The following KLHL32 variants were observed in gnomAD, a reference collection of about 807,000 sequenced individuals.
The protein encoded by KLHL32 is kelch-like protein 32.
Under a neutral mutation model 64.8 loss-of-function variants are expected in KLHL32, and 35 were observed. The ratio of observed to expected loss-of-function variants is 0.54; its 90% CI spans 0.41 to 0.72. KLHL32 has a LOEUF of 0.72. Ranked by LOEUF, KLHL32 falls within the 30% of genes least tolerant of loss-of-function variation. KLHL32 has a pLI of 0.00. For missense variants in KLHL32, 589 were observed against 768.5 expected (o/e 0.77, Z 2.76); for synonymous variants, 259 against 281.0 (o/e 0.92, Z 0.78).
intron 3 of KLHL32, among the ~76,000 whole-genome samples, chr6:97,002,756 TAC>T (rs1779200252): frequency 6.6e-6 from 1 of 152,198 alleles, no homozygotes; most frequent in Admixed American, 6.5e-5. Context: ...TTAGTTCACT[TAC>T]AGTAGTGACC....
intron 10 of KLHL32, among the ~76,000 whole-genome samples, chr6:97,136,547 G>A (rs1231585633): frequency 6.6e-6 from 1 of 152,196 alleles, no homozygotes; most frequent in East Asian, 1.9e-4. Context: ...CTGTCACAGA[G>A]GTTTGACTCT....
intron 5 of KLHL32, among the ~76,000 whole-genome samples, chr6:97,078,150 G>C (rs182418862): frequency 6.6e-6 from 1 of 152,116 alleles, no homozygotes; most frequent in South Asian, 2.1e-4. Context: ...TATGTAGAGT[G>C]GTTTCTCAGG....
At chr6:96,954,389 A>G (rs1458608700) in intron 1 of KLHL32, among the ~76,000 whole-genome samples, 1 of 131,686 alleles carries the variant, frequency 7.6e-6, no homozygotes, top group Non-Finnish European at 1.5e-5. Flanking sequence ...ATATTCACTC[A>G]TATTAAAGAG....
the KLHL32 span, among the ~76,000 whole-genome samples, chr6:96,905,182 A>G: frequency 9.9e-5 from 15 of 152,198 alleles, no homozygotes; most frequent in East Asian, 2.7e-3. Flanking sequence ...TGGCACAGGG[A>G]AAAAAAAGTG....
chr6:97,132,739 T>C lies in KLHL32; in HGVS notation c.1693T>C (p.Cys565Arg). ...AATTTGGACAAATGAGCCTCTGGCT[T>C]GTATCCAGGTGAGTGGTAGAAGTTC... ...YSIWTNEPLACIQVLDVSREG... is the reference protein window; with the variant it reads ...YSIWTNEPLARIQVLDVSREG... The change falls in exon 10 of 11, where the codon TGT (cysteine) becomes CGT (arginine). Residue 565 changes from cysteine (C) to arginine (R), a missense_variant. Cys to Arg is a radical substitution (Grantham distance 180). This residue lies in a region of KLHL32 where 172 missense variants were observed against 192.0 expected (regional missense o/e 0.90). Coordinates refer to ENST00000369261, the MANE Select transcript of KLHL32 (RefSeq NM_052904.4). The C allele has an allele frequency of 1.2e-6, 2 of 1,608,480 alleles. No homozygotes were observed. Among genetic ancestry groups the C allele is most frequent in the Non-Finnish European group, 1.7e-6 (2 of 1,176,594 alleles).
chr6:97,134,122 A>T (rs1248696247), intron 10 of KLHL32, among the ~76,000 whole-genome samples: 5 of 152,204 alleles, frequency 3.3e-5, no homozygotes, highest in African/African-American at 1.2e-4. Context: ...AATAAAAACA[A>T]TATACAGCAA....
At chr6:96,953,779 T>C (rs1232579259) in intron 1 of KLHL32, among the ~76,000 whole-genome samples, 1 of 143,078 alleles carries the variant, frequency 7.0e-6, no homozygotes, top group East Asian at 2.0e-4. Context: ...TATGACAATC[T>C]AAATGTTATT....
chr6:96,967,756 A>G (rs1187632329), intron 2 of KLHL32, among the ~76,000 whole-genome samples: 1 of 152,186 alleles, frequency 6.6e-6, no homozygotes, highest in Non-Finnish European at 1.5e-5. Context: ...ACGACACAAA[A>G]ATAATTGTGA....
At chr6:97,119,380 TAGG>T (rs1435611595) in intron 7 of KLHL32, among the ~76,000 whole-genome samples, 1 of 151,984 alleles carries the variant, frequency 6.6e-6, no homozygotes. Flanking sequence ...AGTGAGATAA[TAGG>T]AGGAGGAGGC....
rs544845084 is a variant in KLHL32, at chr6:97,071,119, C to T, written c.411+6393C>T. Among the ~76,000 whole-genome samples, 27 of 152,174 alleles carry T rather than the reference C, an allele frequency of 1.8e-4. No homozygotes were observed. In the East Asian group the frequency reaches 2.7e-3, roughly 15 times the overall value. On this transcript the variant is annotated intron_variant, in intron 5 of 10. Transcript: ENST00000369261. ...GACACTCTTCTTCATCTCTCATTAC[C>T]GCAGCTGCTCCTTGCCCTCACTACC... is the stretch of plus-strand genomic sequence containing the variant.
intron 8 of KLHL32, among the ~76,000 whole-genome samples, chr6:97,128,079 A>G (rs1425491400): frequency 1.3e-5 from 2 of 152,290 alleles, no homozygotes; most frequent in South Asian, 2.1e-4. Context: ...TGCCATTTCT[A>G]TGATTTTGGT....
intron 1 of KLHL32, among the ~76,000 whole-genome samples, chr6:96,942,198 A>G (rs1771375040): frequency 1.3e-5 from 2 of 152,176 alleles, no homozygotes; most frequent in Admixed American, 1.3e-4. Flanking sequence ...TGCCTTTTGC[A>G]GCCCAAGATC....
At chr6:96,954,399 G>GA (rs113275571) in intron 1 of KLHL32, among the ~76,000 whole-genome samples, 285 of 134,870 alleles carry the variant, frequency 2.1e-3, no homozygotes, top group African/African-American at 7.3e-3. Context: ...ATATTAAAGA[G>GA]AAAAAAAACT....
intron 5 of KLHL32, among the ~76,000 whole-genome samples, chr6:97,075,309 A>G (rs952268960): frequency 7.2e-5 from 11 of 152,186 alleles, no homozygotes; most frequent in African/African-American, 1.2e-4. Flanking sequence ...TGAATATATC[A>G]TTACATACAG....
chr6:97,109,917 C>T (rs906639474), intron 6 of KLHL32, among the ~76,000 whole-genome samples: 1 of 152,184 alleles, frequency 6.6e-6, no homozygotes, highest in African/African-American at 2.4e-5. Flanking sequence ...TATTACGTTT[C>T]AGAAATTTTT....
chr6:97,021,439 G>T (rs1781971081), intron 3 of KLHL32, among the ~76,000 whole-genome samples: 1 of 150,756 alleles, frequency 6.6e-6, no homozygotes, highest in South Asian at 2.1e-4. Context: ...CCTGAAGATG[G>T]CATGTCCTAG....
At position 97,105,353 on chromosome 6, in the gene KLHL32, C is replaced by T. The variant is rs553740247; in HGVS notation, c.628-8430C>T. Reference sequence around the variant, plus strand: ...TCCTACTTCTTGTTGCCCAAGAGCTCATCAACATGCCCTGCTGTTTGATGG... The same window carrying T: ...TCCTACTTCTTGTTGCCCAAGAGCTTATCAACATGCCCTGCTGTTTGATGG... On this transcript the variant is annotated intron_variant, in intron 6 of 10. Coordinates refer to ENST00000369261, the MANE Select transcript of KLHL32 (RefSeq NM_052904.4). 6.8e-6 allele frequency: 3 copies of T among 443,740 alleles called. No individual in the cohort carries two copies. The Admixed American group carries it at 7.5e-5, about 11-fold the overall frequency. The allele number at this position is 443,740 out of a possible 1,614,324, so 27.5% of individuals were successfully genotyped here. A position where few individuals can be genotyped will look rare whatever the true frequency, so the allele number is the denominator to read the frequency against.
chr6:96,955,430 A>G (rs138890361), intron 1 of KLHL32, among the ~76,000 whole-genome samples: 1 of 151,176 alleles, frequency 6.6e-6, no homozygotes, highest in East Asian at 1.9e-4. Context: ...GTTCTCTTTG[A>G]TCTTGGGGGT....
At chr6:96,959,223 G>A (rs776317612) in intron 1 of KLHL32, among the ~76,000 whole-genome samples, 26 of 152,160 alleles carry the variant, frequency 1.7e-4, no homozygotes, top group African/African-American at 6.3e-4. Flanking sequence ...CAGCATGCCT[G>A]TGGTCCAGCT....
Sources: gnomAD v4.1 joint callset for allele counts (sites outside exome capture counted in the v4.1 genomes callset) on GRCh38, gnomAD v4.1.1 for gene constraint, gnomAD v4.1.1 regional missense constraint, MANE v1.5 for transcripts, NCBI Gene and HGNC (gene_info 2026-07-23, HGNC 2026-07-21) for gene names.